WWOX: variants seen among roughly 807,000 people sequenced by gnomAD.
WWOX encodes WW domain-containing oxidoreductase.
Under a neutral mutation model 46.2 loss-of-function variants are expected in WWOX, and 69 were observed. That is an observed-to-expected ratio of 1.49 (90% CI 1.23 to 1.82). The LOEUF (loss-of-function observed/expected upper bound fraction) is 1.82, where lower values mean the gene tolerates loss of function less well. Ranked by LOEUF, WWOX falls within the 40% of genes most tolerant of loss-of-function variation. The pLI, the probability that WWOX is intolerant of heterozygous loss-of-function variation, is 0.00. For synonymous variants in WWOX, 359 were observed against 202.6 expected, an observed-to-expected ratio of 1.77 and a Z score of -6.56; for missense variants, 919 against 542.6, an observed-to-expected ratio of 1.69 and a Z score of -6.89.
intron 5 of WWOX, among the ~76,000 whole-genome samples, chr16:78,321,370 ACG>A (rs1339669198): frequency 1.6e-5 from 1 of 61,160 alleles, no homozygotes. Context: ...GTATATATAT[ACG>A]TATATATGCG....
At position 79,092,001 on chromosome 16, in the gene WWOX, G is replaced by A. The variant is rs1309377390; in HGVS notation, c.1057-119607G>A. 4.6e-5 allele frequency among the ~76,000 whole-genome samples: 7 copies of A among 151,970 alleles called. No individual in the cohort carries two copies. The East Asian group carries it at 1.4e-3, about 30-fold the overall frequency. On this transcript the variant is annotated intron_variant, in intron 8 of 8. Transcript: ENST00000566780. ...TCACCATGTTGGCCAAGATGGTCTCGATCTCTTGACCTCGTGATCTTTTCT... is the reference window on the plus strand; with the variant it reads ...TCACCATGTTGGCCAAGATGGTCTCAATCTCTTGACCTCGTGATCTTTTCT...
intron 8 of WWOX, among the ~76,000 whole-genome samples, chr16:78,964,353 T>C (rs2046326976): frequency 6.6e-6 from 1 of 152,192 alleles, no homozygotes; most frequent in Admixed American, 6.5e-5. Flanking sequence ...CAGATGGAGA[T>C]GAGGAGCTCG....
At chr16:78,823,313 TTGA>T (rs2051556336) in intron 8 of WWOX, among the ~76,000 whole-genome samples, 1 of 151,864 alleles carries the variant, frequency 6.6e-6, no homozygotes, top group African/African-American at 2.4e-5. Flanking sequence ...AAGAGAGGAG[TTGA>T]TGATCACATT....
chr16:78,863,710 G>A (rs1047657065), intron 8 of WWOX, among the ~76,000 whole-genome samples: 2 of 152,132 alleles, frequency 1.3e-5, no homozygotes, highest in African/African-American at 2.4e-5. Flanking sequence ...CTGTTGAACC[G>A]GCAAAACAAA....
chr16:78,428,540 C>G (rs1185410031), intron 7 of WWOX, among the ~76,000 whole-genome samples: 2 of 152,182 alleles, frequency 1.3e-5, no homozygotes, highest in African/African-American at 4.8e-5. Context: ...TTGAAACTGT[C>G]CTTCCTGGTT....
rs537053540 is a variant in WWOX, at chr16:78,939,863, C to T, written c.1057-271745C>T. 4.6e-5 allele frequency among the ~76,000 whole-genome samples: 7 copies of T among 152,278 alleles called. No homozygotes were observed. The South Asian group carries it at 6.2e-4, about 14-fold the overall frequency. ...GGTCTGGCGATCTTTTTGGCATAGA[C>T]GTGTGGACGTTGTTTTTGACATTTG... On this transcript the variant is annotated intron_variant, in intron 8 of 8. Transcript: ENST00000566780.
At chr16:79,006,090 G>A (rs570340324) in intron 8 of WWOX, among the ~76,000 whole-genome samples, 33 of 152,322 alleles carry the variant, frequency 2.2e-4, no homozygotes, top group Admixed American at 1.8e-3. Flanking sequence ...CTGCGCTAGG[G>A]AAGTCCCTGG....
At chr16:78,355,365 G>A (rs939460576) in intron 5 of WWOX, among the ~76,000 whole-genome samples, 3 of 152,198 alleles carry the variant, frequency 2.0e-5, no homozygotes, top group Non-Finnish European at 4.4e-5. Flanking sequence ...CACTTTGGGA[G>A]GCTGAGGCGG....
At chr16:79,005,090 C>G (rs1345974031) in intron 8 of WWOX, among the ~76,000 whole-genome samples, 1 of 152,162 alleles carries the variant, frequency 6.6e-6, no homozygotes, top group African/African-American at 2.4e-5. Flanking sequence ...GCAGTCAGTC[C>G]TCAGTGTACC....
At chr16:79,040,867 C>T (rs916049817) in intron 8 of WWOX, among the ~76,000 whole-genome samples, 2 of 152,162 alleles carry the variant, frequency 1.3e-5, no homozygotes, top group East Asian at 1.9e-4. Context: ...AGTAACTTAG[C>T]TAGCTGTTGC....
intron 8 of WWOX, among the ~76,000 whole-genome samples, chr16:78,638,006 G>C (rs1394949899): frequency 6.6e-6 from 1 of 152,170 alleles, no homozygotes; most frequent in East Asian, 1.9e-4. Flanking sequence ...TGTCTGTGCA[G>C]TGTTTGAGTT....
chr16:78,676,674 A>T (rs752627623), intron 8 of WWOX, among the ~76,000 whole-genome samples: 10 of 152,172 alleles, frequency 6.6e-5, no homozygotes, highest in African/African-American at 2.4e-4. Context: ...CTGAGTGAAG[A>T]AACATTGCTT....
At chr16:78,684,194 A>T (rs2047801785) in intron 8 of WWOX, among the ~76,000 whole-genome samples, 1 of 152,192 alleles carries the variant, frequency 6.6e-6, no homozygotes. Flanking sequence ...ATCCACTGGC[A>T]TGAGTCATCT....
chr16:78,426,968 C>T (rs368123915), intron 7 of WWOX, among the ~76,000 whole-genome samples: 59 of 152,270 alleles, frequency 3.9e-4, no homozygotes, highest in African/African-American at 1.3e-3. Context: ...GGCCTCTTTG[C>T]ACATTATTTA....
intron 5 of WWOX, among the ~76,000 whole-genome samples, chr16:78,362,049 A>G (rs1474816102): frequency 7.2e-6 from 1 of 139,766 alleles, no homozygotes; most frequent in South Asian, 2.2e-4. Context: ...GTTGGCTTCT[A>G]TGAAGGACGC....
intron 8 of WWOX, among the ~76,000 whole-genome samples, chr16:78,676,227 A>G (rs1292975690): frequency 6.6e-6 from 1 of 151,788 alleles, no homozygotes; most frequent in Non-Finnish European, 1.5e-5. Flanking sequence ...CAAGCAGAAG[A>G]AGCGGGATGC....
At chr16:79,086,412 C>T (rs866987404) in intron 8 of WWOX, among the ~76,000 whole-genome samples, 2 of 152,196 alleles carry the variant, frequency 1.3e-5, no homozygotes, top group African/African-American at 2.4e-5. Flanking sequence ...TTTCTTGATA[C>T]ATTTTGAGGG....
chr16:79,129,776 C>T (rs1476645180), intron 8 of WWOX, among the ~76,000 whole-genome samples: 1 of 152,128 alleles, frequency 6.6e-6, no homozygotes. Flanking sequence ...CTAGCTCATT[C>T]AAAGACAGTC....
intron 5 of WWOX, among the ~76,000 whole-genome samples, chr16:78,380,007 ATTTAGTCC>A (rs1375504407): frequency 6.6e-6 from 1 of 152,202 alleles, no homozygotes; most frequent in East Asian, 1.9e-4. Flanking sequence ...GAGTACATGA[ATTTAGTCC>A]TGTAAATGTT....
Sources: gnomAD v4.1 joint callset for allele counts (sites outside exome capture counted in the v4.1 genomes callset) on GRCh38, gnomAD v4.1.1 for gene constraint, MANE v1.5 for transcripts, NCBI Gene and HGNC (gene_info 2026-07-23, HGNC 2026-07-21) for gene names.